The following DAB1 variants were observed in gnomAD, a reference collection of about 807,000 sequenced individuals.
The protein encoded by DAB1 is DAB adaptor protein 1.
DAB1 carries 15 observed loss-of-function variants against 64.6 expected under a neutral mutation model. The observed-to-expected ratio is 0.23, with a 90% CI of 0.16 to 0.36. DAB1 has a LOEUF of 0.36. Ranked by LOEUF, DAB1 falls within the 10% of genes least tolerant of loss-of-function variation. The probability of loss-of-function intolerance (pLI) is 1.00; values close to 1 mark genes in which losing one functional copy is unlikely to be tolerated. For synonymous variants in DAB1, 235 were observed against 251.9 expected (o/e 0.93, Z 0.64); for missense variants, 596 against 706.7 (o/e 0.84, Z 1.78).
intron 1 of DAB1, among the ~76,000 whole-genome samples, chr1:57,325,132 C>T (rs1676049290): frequency 6.6e-6 from 1 of 152,248 alleles, no homozygotes; most frequent in Non-Finnish European, 1.5e-5. Context: ...GAGACTGTGA[C>T]TTCCCTGCAC....
intron 1 of DAB1, among the ~76,000 whole-genome samples, chr1:57,376,428 G>A (rs969006232): frequency 1.3e-5 from 2 of 152,154 alleles, no homozygotes; most frequent in African/African-American, 4.8e-5. Flanking sequence ...TTTTGTTTCT[G>A]ACCATACTAT....
chr1:57,353,759 C>G (rs116194361), intron 1 of DAB1, among the ~76,000 whole-genome samples: 81 of 152,234 alleles, frequency 5.3e-4, no homozygotes, highest in African/African-American at 1.9e-3. Context: ...TGCTCCTCCC[C>G]CTTCCACACT....
intron 2 of DAB1, among the ~76,000 whole-genome samples, chr1:57,220,449 A>G (rs1158114794): frequency 6.6e-6 from 1 of 152,222 alleles, no homozygotes; most frequent in Non-Finnish European, 1.5e-5. Context: ...CAGATTTCAC[A>G]TAAGACTTCC....
chr1:57,579,835 C>T (rs1479116354), intron 7 of DAB1, among the ~76,000 whole-genome samples: 1 of 152,092 alleles, frequency 6.6e-6, no homozygotes, highest in Non-Finnish European at 1.5e-5. Flanking sequence ...TATGGTAAAA[C>T]CAGGCGCAGG....
intron 7 of DAB1, among the ~76,000 whole-genome samples, chr1:57,608,334 T>C (rs1645682677): frequency 6.6e-6 from 1 of 152,074 alleles, no homozygotes; most frequent in Non-Finnish European, 1.5e-5. Context: ...TTCTCTCCCA[T>C]GTGTAAATTT....
chr1:58,110,253 A>C (rs1312585959), intron 5 of DAB1, among the ~76,000 whole-genome samples: 1 of 152,222 alleles, frequency 6.6e-6, no homozygotes, highest in Non-Finnish European at 1.5e-5. Flanking sequence ...TTTTCAAAAA[A>C]CAAATAAGCA....
chr1:57,897,296 T>C (rs1239931002), intron 5 of DAB1, among the ~76,000 whole-genome samples: 1 of 152,154 alleles, frequency 6.6e-6, no homozygotes, highest in Non-Finnish European at 1.5e-5. Context: ...CATGGGAAAA[T>C]GTTTAATTAT....
intron 5 of DAB1, among the ~76,000 whole-genome samples, chr1:57,897,795 T>C (rs1644414571): frequency 6.6e-6 from 1 of 152,096 alleles, no homozygotes; most frequent in Non-Finnish European, 1.5e-5. Context: ...AACCACTTCA[T>C]GTTACAGATG....
chr1:58,422,651 C>T (rs2100224509), intron 3 of DAB1, among the ~76,000 whole-genome samples: 1 of 145,726 alleles, frequency 6.9e-6, no homozygotes, highest in Non-Finnish European at 1.5e-5. Context: ...GTCGCCCAGG[C>T]TGGAGTGCAG....
intron 4 of DAB1, among the ~76,000 whole-genome samples, chr1:57,123,763 G>A (rs1656876240): frequency 6.6e-6 from 1 of 152,054 alleles, no homozygotes; most frequent in Non-Finnish European, 1.5e-5. Flanking sequence ...AATAATTAGT[G>A]GAAAAATGTG....
intron 3 of DAB1, among the ~76,000 whole-genome samples, chr1:58,378,975 G>C (rs1371164041): frequency 7.4e-6 from 1 of 134,994 alleles, no homozygotes; most frequent in South Asian, 2.5e-4. Flanking sequence ...TCTTTGACTC[G>C]GAAAGGGAAC....
chr1:58,447,936 G>A (rs1474773807), intron 3 of DAB1, among the ~76,000 whole-genome samples: 1 of 151,782 alleles, frequency 6.6e-6, no homozygotes, highest in African/African-American at 2.4e-5. Flanking sequence ...GCTTAACAGT[G>A]TTATCCAGAA....
intron 5 of DAB1, among the ~76,000 whole-genome samples, chr1:58,006,661 A>G (rs1646588524): frequency 1.3e-5 from 2 of 152,172 alleles, no homozygotes; most frequent in South Asian, 4.1e-4. Flanking sequence ...AAGCCAGAGG[A>G]GACCTATCAT....
chr1:57,751,738 A>G (rs927025719), intron 6 of DAB1, among the ~76,000 whole-genome samples: 3 of 152,132 alleles, frequency 2.0e-5, no homozygotes, highest in Non-Finnish European at 4.4e-5. Flanking sequence ...CCAACAGGGA[A>G]GAGATACAGG....
At chr1:57,740,819 C>A (rs996751990) in intron 6 of DAB1, among the ~76,000 whole-genome samples, 2 of 152,054 alleles carry the variant, frequency 1.3e-5, no homozygotes, top group Non-Finnish European at 1.5e-5. Context: ...AGAAATCTCC[C>A]CTTTTGTGTG....
chr1:57,756,995 A>C (rs1403342660), intron 6 of DAB1, among the ~76,000 whole-genome samples: 1 of 152,168 alleles, frequency 6.6e-6, no homozygotes, highest in Non-Finnish European at 1.5e-5. Flanking sequence ...ACAAAAGAGA[A>C]GCTGAAGAAG....
intron 4 of DAB1, among the ~76,000 whole-genome samples, chr1:57,130,606 G>T (rs1237280094): frequency 6.6e-6 from 1 of 151,952 alleles, no homozygotes; most frequent in Non-Finnish European, 1.5e-5. Context: ...GTCATTTGGA[G>T]AACATGGACG....
At chr1:57,754,284 T>C (rs973308057) in intron 6 of DAB1, among the ~76,000 whole-genome samples, 15 of 152,206 alleles carry the variant, frequency 9.9e-5, no homozygotes, top group Non-Finnish European at 1.9e-4. Flanking sequence ...TCCCACTTTA[T>C]GGAAAGCTAT....
At chr1:58,086,834 G>C (rs1228530257) in intron 5 of DAB1, among the ~76,000 whole-genome samples, 1 of 151,886 alleles carries the variant, frequency 6.6e-6, no homozygotes, top group Non-Finnish European at 1.5e-5. Context: ...AGCCCAATAA[G>C]ATGTCTTTTC....
Sources: allele counts gnomAD v4.1 joint callset (sites outside exome capture counted in the v4.1 genomes callset), GRCh38; gene constraint gnomAD v4.1.1; transcripts MANE v1.5; gene names NCBI Gene and HGNC (gene_info 2026-07-23, HGNC 2026-07-21).